GABRB1: variants seen among roughly 807,000 people sequenced by gnomAD.
GABRB1 encodes gamma-aminobutyric acid receptor subunit beta-1.
Under a neutral mutation model 51.6 loss-of-function variants are expected in GABRB1, and 17 were observed. The observed-to-expected ratio is 0.33, with a 90% CI of 0.23 to 0.49. The LOEUF (loss-of-function observed/expected upper bound fraction) is 0.49. Ranked by LOEUF, GABRB1 falls within the 20% of genes least tolerant of loss-of-function variation. The probability of loss-of-function intolerance (pLI) is 0.99; values close to 1 mark genes in which losing one functional copy is unlikely to be tolerated. For missense variants in GABRB1, 410 were observed against 600.6 expected (o/e 0.68, Z 3.32); for synonymous variants, 247 against 218.9 (o/e 1.13, Z -1.14).
At chr4:47,287,169 C>G (rs191529102) in intron 4 of GABRB1, among the ~76,000 whole-genome samples, 32 of 152,194 alleles carry the variant, frequency 2.1e-4, no homozygotes, top group African/African-American at 6.3e-4. Context: ...CATTGCATAC[C>G]CCAGAATTCA....
chr4:47,188,915 C>T (rs1024980537), intron 4 of GABRB1, among the ~76,000 whole-genome samples: 2 of 151,942 alleles, frequency 1.3e-5, no homozygotes, highest in Non-Finnish European at 1.5e-5. Context: ...TCTGCTTATC[C>T]ATTAAACAAA....
intron 3 of GABRB1, among the ~76,000 whole-genome samples, chr4:47,054,592 T>G (rs185009253): frequency 1.0e-3 from 155 of 151,978 alleles, no homozygotes; most frequent in African/African-American, 3.5e-3. Context: ...GGCAACATTT[T>G]TTTTTTTGAG....
In GABRB1 at chr4:47,051,866, C is replaced by T. The variant is rs973878103; in HGVS notation, c.240+19382C>T. 6.6e-5 allele frequency among the ~76,000 whole-genome samples: 10 copies of T among 152,244 alleles called. No individual in the cohort carries two copies. The East Asian group carries it at 9.7e-4, about 15-fold the overall frequency. On this transcript the variant is annotated intron_variant, in intron 3 of 8. Transcript: ENST00000295454. ...GATTAAGGCTGGGTGACATGACTCA[C>T]GCCCGTAATCCCAGCACTTTGGGAG...
intron 3 of GABRB1, among the ~76,000 whole-genome samples, chr4:47,091,991 C>T (rs540710348): frequency 1.3e-5 from 2 of 152,154 alleles, no homozygotes; most frequent in Non-Finnish European, 1.5e-5. Flanking sequence ...AAGATACTTC[C>T]CATGATCACA....
At chr4:47,143,197 T>C (rs1717003754) in intron 3 of GABRB1, among the ~76,000 whole-genome samples, 1 of 151,908 alleles carries the variant, frequency 6.6e-6, no homozygotes, top group Admixed American at 6.6e-5. Flanking sequence ...ACCTGGTGAC[T>C]GCCAGGTCAG....
intron 3 of GABRB1, among the ~76,000 whole-genome samples, chr4:47,080,365 G>A (rs1727776238): frequency 6.6e-6 from 1 of 151,860 alleles, no homozygotes; most frequent in Non-Finnish European, 1.5e-5. Context: ...CATGGCACGT[G>A]GTGTACATTT....
chr4:47,032,037 C>T (rs1725326103), intron 2 of GABRB1, 32 bp downstream of exon 2: 1 of 1,425,876 alleles, frequency 7.0e-7, no homozygotes, highest in Non-Finnish European at 9.8e-7. Context: ...ACCTGTAACC[C>T]ATCCTTAGTT....
chr4:47,232,655 C>T (rs1280349674), intron 4 of GABRB1, among the ~76,000 whole-genome samples: 1 of 152,160 alleles, frequency 6.6e-6, no homozygotes, highest in Non-Finnish European at 1.5e-5. Context: ...ATCTCCTTCT[C>T]CTTGCCTGCT....
rs532208600 is a variant in GABRB1, at chr4:47,089,421, A to C, written c.240+56937A>C. Among the ~76,000 whole-genome samples the C allele has an allele frequency of 1.6e-4, 25 of 152,306 alleles. No homozygotes were observed. The East Asian group carries it at 4.6e-3, about 28-fold the overall frequency. On this transcript the variant is annotated intron_variant, in intron 3 of 8. Transcript: ENST00000295454. ...AGTTTAAAGTGGTCTATGTGTCAAC[A>C]TTTTGAGACTATTTCCTCATTTGGA...
At chr4:47,382,250 T>C (rs769192297) in intron 5 of GABRB1, among the ~76,000 whole-genome samples, 9 of 152,164 alleles carry the variant, frequency 5.9e-5, no homozygotes, top group Non-Finnish European at 1.0e-4. Context: ...ATAATTCTTT[T>C]TTCTAGGCCA....
intron 4 of GABRB1, among the ~76,000 whole-genome samples, chr4:47,192,715 T>C (rs1043833997): frequency 6.6e-6 from 1 of 152,228 alleles, no homozygotes; most frequent in Non-Finnish European, 1.5e-5. Context: ...ATTTACTTTA[T>C]TGTAAATTTT....
intron 3 of GABRB1, among the ~76,000 whole-genome samples, chr4:47,117,151 T>C (rs1175244482): frequency 2.0e-5 from 3 of 152,174 alleles, no homozygotes; most frequent in African/African-American, 4.8e-5. Context: ...AAACTACCAC[T>C]TTTATGTATA....
chr4:47,264,322 T>C (rs1722565085), intron 4 of GABRB1, among the ~76,000 whole-genome samples: 1 of 152,188 alleles, frequency 6.6e-6, no homozygotes. Context: ...AAGAGTTTTA[T>C]ATGCTGAAAA....
intron 3 of GABRB1, among the ~76,000 whole-genome samples, chr4:47,062,630 G>T (rs1331597404): frequency 3.9e-5 from 6 of 151,984 alleles, no homozygotes; most frequent in African/African-American, 7.3e-5. Flanking sequence ...ACATTCAAAA[G>T]ATTTTTCTAT....
chr4:47,205,730 C>T (rs531640525), intron 4 of GABRB1, among the ~76,000 whole-genome samples: 1 of 152,016 alleles, frequency 6.6e-6, no homozygotes, highest in South Asian at 2.1e-4. Flanking sequence ...TCTGCACTTA[C>T]TGAGTCAAGA....
chr4:47,390,229 T>C (rs2110037992), intron 5 of GABRB1, among the ~76,000 whole-genome samples: 1 of 152,322 alleles, frequency 6.6e-6, no homozygotes, highest in African/African-American at 2.4e-5. Context: ...CCCTGAGCCA[T>C]TCACCATATT....
chr4:47,024,675 A>C (rs1725031373), intron 1 of GABRB1, among the ~76,000 whole-genome samples: 1 of 151,578 alleles, frequency 6.6e-6, no homozygotes, highest in African/African-American at 2.4e-5. Context: ...CCATCACCCG[A>C]GCAGTATACA....
At chr4:47,267,023 A>G (rs942129162) in intron 4 of GABRB1, among the ~76,000 whole-genome samples, 1 of 152,168 alleles carries the variant, frequency 6.6e-6, no homozygotes, top group African/African-American at 2.4e-5. Context: ...GATCAATTCA[A>G]CAAGAAGATA....
At chr4:47,185,622 G>T (rs1394630348) in intron 4 of GABRB1, among the ~76,000 whole-genome samples, 1 of 151,700 alleles carries the variant, frequency 6.6e-6, no homozygotes, top group African/African-American at 2.4e-5. Context: ...AACTATACTT[G>T]AACTCTAGTT....
Sources: gnomAD v4.1 joint callset for allele counts (sites outside exome capture counted in the v4.1 genomes callset) on GRCh38, gnomAD v4.1.1 for gene constraint, MANE v1.5 for transcripts, NCBI Gene and HGNC (gene_info 2026-07-23, HGNC 2026-07-21) for gene names.